The following CR2 variants were observed in gnomAD, a reference collection of about 807,000 sequenced individuals.
The protein encoded by CR2 is complement receptor type 2.
Under a neutral mutation model 123.0 loss-of-function variants are expected in CR2, and 96 were observed. The observed-to-expected ratio is 0.78, with a 90% CI of 0.66 to 0.93. CR2 has a LOEUF of 0.93. Ranked by LOEUF, CR2 falls within the 40% of genes least tolerant of loss-of-function variation. CR2 has a pLI of 0.00. For synonymous variants in CR2, 484 were observed against 469.5 expected (o/e 1.03, Z -0.40); for missense variants, 1,258 against 1,361.0 (o/e 0.92, Z 1.19).
At position 207,466,941 on chromosome 1, in the gene CR2, A is replaced by G. The variant is rs1253762703; in HGVS notation, c.445+29A>G. ...AGTATGAAAAGAAAGCTGGGTTGGG[A>G]GGTTGGGGTCTTGCCTTTCTGTGCA... On this transcript the variant is annotated intron_variant, in intron 2 of 19. Coordinates refer to ENST00000367057, the MANE Select transcript of CR2 (RefSeq NM_001006658.3). The G allele has an allele frequency of 2.6e-6, 4 of 1,555,818 alleles. No homozygotes were observed. In the South Asian group the frequency reaches 5.0e-5, roughly 20 times the overall value.
In CR2 at chr1:207,473,631, A is replaced by C. The variant is rs1186131567; in HGVS notation, c.2065A>C (p.Thr689Pro). The change falls in exon 11 of 20, where the codon ACT (threonine) becomes CCT (proline). Residue 689 changes from threonine to proline, a missense_variant. Physicochemically the swap from Thr to Pro is conservative, Grantham distance 38 (BLOSUM62 -1). Coordinates refer to ENST00000367057, the MANE Select transcript of CR2 (RefSeq NM_001006658.3). The part of the protein sequence containing the change: ...FFVSGMTVDY[T>P]CDPGYLLVGN... ...TGTCTCTGGGATGACTGTAGACTAC[A>C]CTTGTGACCCTGGCTATTTGCTTGT... 1 of 1,613,998 alleles carries C rather than the reference A, an allele frequency of 6.2e-7. No homozygotes were observed.
In CR2 at chr1:207,473,765, T is replaced by G. The variant is rs1343080792; in HGVS notation, c.2156-36T>G. The G allele has an allele frequency of 1.9e-6, 3 of 1,613,582 alleles. No individual in the cohort carries two copies. The African/African-American group carries it at 4.0e-5, about 22-fold the overall frequency. ...TTGTCCTTCTCTTTGATATGAGACA[T>G]CTATAAATACTGTAATTCCATCCTT... On this transcript the variant is annotated intron_variant, in intron 11 of 19. Transcript: ENST00000367057.
At chr1:207,477,842 G>A in intron 15 of CR2, 43 bp from the exon 16 acceptor site, 1 of 1,595,378 alleles carries the variant, frequency 6.3e-7, no homozygotes, top group South Asian at 1.1e-5. Flanking sequence ...TTGGTAAAAG[G>A]CCAAAATATG....
chr1:207,467,535 T>G (rs1225449914), intron 2 of CR2, among the ~76,000 whole-genome samples: 1 of 152,176 alleles, frequency 6.6e-6, no homozygotes, highest in Non-Finnish European at 1.5e-5. Flanking sequence ...ATTCCACAAT[T>G]ACAAGAAATG....
rs779846456 is a variant in CR2 at position 207,469,119 on chromosome 1, A to G, written c.735-31A>G. 5.0e-6 allele frequency: 8 copies of G among 1,589,822 alleles called. No individual in the cohort carries two copies. The Admixed American group carries it at 1.3e-4, about 27-fold the overall frequency. ...GCTGTTCTTCAGCACAAACTGCCTA[A>G]TAGTTCTGAATGACAACCTTCTGTC... On this transcript the variant is annotated intron_variant, in intron 4 of 19. Coordinates refer to ENST00000367057, the MANE Select transcript of CR2 (RefSeq NM_001006658.3).
At chr1:207,471,197 G>A in intron 8 of CR2, 110 bp downstream of exon 8, 1 of 1,131,364 alleles carries the variant, frequency 8.8e-7, no homozygotes. Context: ...GTAAGAGTTT[G>A]TCTCATAGGT....
Position 207,483,829 on chromosome 1 carries a change from G to A in CR2, c.3189-1635G>A, listed in dbSNP as rs115246833. Among the ~76,000 whole-genome samples, 217 of 152,160 alleles carry A rather than the reference G, an allele frequency of 1.4e-3. 1 individual carries two copies. The highest frequency in any genetic ancestry group is 4.8e-3 in the African/African-American group (198 of 41,508). ...GGGCTTGGGAGAAGGGTCTGGACTCGGGTGGGTGACACTTAAATCACAATG... is the reference window on the plus strand; with the variant it reads ...GGGCTTGGGAGAAGGGTCTGGACTCAGGTGGGTGACACTTAAATCACAATG... On this transcript the variant is annotated intron_variant, in intron 18 of 19. Transcript: ENST00000367057.
chr1:207,477,493 G>A (rs1435640499), intron 15 of CR2, among the ~76,000 whole-genome samples: 1 of 152,084 alleles, frequency 6.6e-6, no homozygotes, highest in Admixed American at 6.6e-5. Flanking sequence ...CTGAAAAGAA[G>A]AAAGAAATGA....
At chr1:207,485,981 A>C (rs1382102963) in intron 19 of CR2, among the ~76,000 whole-genome samples, 1 of 152,134 alleles carries the variant, frequency 6.6e-6, no homozygotes, top group African/African-American at 2.4e-5. Flanking sequence ...CTGTAATCCC[A>C]GCACTTTGGG....
At chr1:207,471,591 G>A in intron 9 of CR2, 92 bp downstream of exon 9, 1 of 887,516 alleles carries the variant, frequency 1.1e-6, no homozygotes, top group Non-Finnish European at 1.9e-6. Context: ...ATGAGAATTA[G>A]AGTATTAGAT....
chr1:207,457,716 C>G (rs955652944), intron 1 of CR2, among the ~76,000 whole-genome samples: 1 of 152,084 alleles, frequency 6.6e-6, no homozygotes, highest in Admixed American at 6.6e-5. Context: ...AAACCATTAT[C>G]ATTCTCATCT....
intron 1 of CR2, among the ~76,000 whole-genome samples, chr1:207,466,135 G>T (rs1251519542): frequency 6.6e-6 from 1 of 152,208 alleles, no homozygotes; most frequent in South Asian, 2.1e-4. Flanking sequence ...TTGAATGACC[G>T]TGGGGAGTTG....
At position 207,470,065 on chromosome 1, in the gene CR2, A is replaced by G. The variant is rs1259325711; in HGVS notation, c.1188A>G (p.Gln396=). The part of the protein sequence containing the change: ...KGSKQIRCNA[Q]GTWEPSAPVC... ...GCAAGCAAATCCGATGCAATGCCCA[A>G]GGCACATGGGAGCCATCTGCACCAG... is the stretch of plus-strand genomic sequence containing the variant. The change falls in exon 6 of 20, where the codon CAA becomes CAG. Residue 396 remains glutamine (Q), a synonymous_variant. Transcript: ENST00000367057. 1.2e-6 allele frequency: 2 copies of G among 1,613,818 alleles called. No homozygotes were observed. Among genetic ancestry groups the G allele is most frequent in the Non-Finnish European group, 1.7e-6 (2 of 1,179,904 alleles).
intron 15 of CR2, 145 bp downstream of exon 15, chr1:207,476,564 C>T (rs1658449198): frequency 5.4e-6 from 4 of 736,018 alleles, no homozygotes; most frequent in Non-Finnish European, 8.7e-6. Flanking sequence ...TTAATACAAT[C>T]ATTAAATATC....
chr1:207,475,631 T>C (rs1558194508), intron 14 of CR2, among the ~76,000 whole-genome samples: 2 of 152,218 alleles, frequency 1.3e-5, no homozygotes, highest in Non-Finnish European at 2.9e-5. Context: ...ACCCATTGAA[T>C]TGTCTTTCTT....
chr1:207,483,077 T>C (rs1040765423), intron 18 of CR2, among the ~76,000 whole-genome samples: 4 of 152,178 alleles, frequency 2.6e-5, no homozygotes, highest in African/African-American at 9.6e-5. Flanking sequence ...ATGTTATGTG[T>C]GCATAGGTTC....
intron 1 of CR2, among the ~76,000 whole-genome samples, chr1:207,461,021 A>T (rs1301518225): frequency 1.3e-5 from 2 of 152,118 alleles, no homozygotes; most frequent in Admixed American, 1.3e-4. Context: ...TCTCTTATAT[A>T]CTTTAGTTTC....
chr1:207,474,777 A>G (rs746666010), intron 13 of CR2, 47 bp from the exon 14 acceptor site: 11 of 1,600,594 alleles, frequency 6.9e-6, no homozygotes, highest in Non-Finnish European at 9.4e-6. Context: ...AAGACCGCTC[A>G]CCTTGAGGTA....
chr1:207,486,575 A>G (rs1572968347), intron 19 of CR2, among the ~76,000 whole-genome samples: 1 of 149,684 alleles, frequency 6.7e-6, no homozygotes, highest in East Asian at 2.0e-4. Flanking sequence ...CTGCTGTGTT[A>G]AGAACAGACT....
Sources: allele counts gnomAD v4.1 joint callset (sites outside exome capture counted in the v4.1 genomes callset), GRCh38; gene constraint gnomAD v4.1.1; transcripts MANE v1.5; gene names NCBI Gene and HGNC (gene_info 2026-07-23, HGNC 2026-07-21).